GPC5: variants seen among roughly 807,000 people sequenced by gnomAD.
The protein encoded by GPC5 is glypican 5.
A neutral mutation model predicts 53.9 loss-of-function variants in GPC5; 47 were observed. That is an observed-to-expected ratio of 0.87 (90% confidence interval 0.69 to 1.11). The LOEUF is 1.11. Ranked by LOEUF, GPC5 falls within the 50% of genes most tolerant of loss-of-function variation. The pLI is 0.00. For synonymous variants in GPC5, 286 were observed against 263.3 expected, an observed-to-expected ratio of 1.09 and a Z score of -0.84; for missense variants, 748 against 713.1, an observed-to-expected ratio of 1.05 and a Z score of -0.56.
At chr13:92,385,473 T>TATATACAC (rs1594155612) in intron 7 of GPC5, among the ~76,000 whole-genome samples, 2 of 59,716 alleles carry the variant, frequency 3.3e-5, no homozygotes, top group East Asian at 4.8e-4. Context: ...CATATATACA[T>TATATACAC]ATATACATAT....
At chr13:92,847,934 A>G (rs1878665970) in intron 7 of GPC5, among the ~76,000 whole-genome samples, 1 of 152,310 alleles carries the variant, frequency 6.6e-6, no homozygotes, top group African/African-American at 2.4e-5. Context: ...GATTATTTCT[A>G]ACTTACTGAG....
intron 6 of GPC5, among the ~76,000 whole-genome samples, chr13:92,136,230 G>A (rs1272709452): frequency 2.0e-5 from 3 of 152,068 alleles, no homozygotes; most frequent in Non-Finnish European, 4.4e-5. Flanking sequence ...AAAATATTAC[G>A]AGCTTTTGTT....
chr13:91,812,729 A>G (rs1269067796), intron 5 of GPC5, among the ~76,000 whole-genome samples: 13 of 152,156 alleles, frequency 8.5e-5, no homozygotes, highest in African/African-American at 3.1e-4. Flanking sequence ...TATCCTATTC[A>G]CCAGCAGAGA....
intron 2 of GPC5, among the ~76,000 whole-genome samples, chr13:91,616,477 G>T (rs960401310): frequency 6.6e-6 from 1 of 152,058 alleles, no homozygotes; most frequent in Non-Finnish European, 1.5e-5. Flanking sequence ...GCCACTAAAT[G>T]CAGATCATCT....
At chr13:91,837,049 ATATATT>A (rs2038729487) in intron 5 of GPC5, among the ~76,000 whole-genome samples, 1 of 149,538 alleles carries the variant, frequency 6.7e-6, no homozygotes, top group Non-Finnish European at 1.5e-5. Flanking sequence ...ATATTTTAAT[ATATATT>A]TATATTTATT....
At chr13:91,608,082 AT>A (rs2139286370) in intron 2 of GPC5, among the ~76,000 whole-genome samples, 1 of 152,282 alleles carries the variant, frequency 6.6e-6, no homozygotes, top group South Asian at 2.1e-4. Flanking sequence ...TTCTTAAATG[AT>A]TTTTCCCCAA....
At chr13:91,782,614 A>G (rs2037816094) in intron 5 of GPC5, among the ~76,000 whole-genome samples, 1 of 152,170 alleles carries the variant, frequency 6.6e-6, no homozygotes, top group Non-Finnish European at 1.5e-5. Flanking sequence ...ACAATTCGAG[A>G]TGAGATTTGG....
intron 6 of GPC5, among the ~76,000 whole-genome samples, chr13:92,133,032 A>G (rs989380118): frequency 1.3e-5 from 2 of 152,122 alleles, no homozygotes; most frequent in Non-Finnish European, 2.9e-5. Context: ...TAGTCTCAAC[A>G]AGATTGATTT....
chr13:91,938,600 C>T (rs1049474388), intron 6 of GPC5, among the ~76,000 whole-genome samples: 1 of 152,074 alleles, frequency 6.6e-6, no homozygotes, highest in South Asian at 2.1e-4. Context: ...TGCCTACTGG[C>T]CAATGTTTAA....
intron 4 of GPC5, among the ~76,000 whole-genome samples, chr13:91,735,344 C>T (rs1417788173): frequency 6.6e-6 from 1 of 151,034 alleles, no homozygotes; most frequent in African/African-American, 2.5e-5. Context: ...ATCCTTTCCC[C>T]CTTTGTGTTC....
intron 7 of GPC5, among the ~76,000 whole-genome samples, chr13:92,411,915 G>A (rs1876059698): frequency 6.6e-6 from 1 of 152,102 alleles, no homozygotes. Flanking sequence ...TGCGGTTTTA[G>A]TCATTAAACG....
At chr13:92,516,449 G>T (rs1348897586) in intron 7 of GPC5, among the ~76,000 whole-genome samples, 3 of 152,130 alleles carry the variant, frequency 2.0e-5, no homozygotes, top group Non-Finnish European at 2.9e-5. Flanking sequence ...CTTCCTGCTA[G>T]AGTCAAAATG....
intron 5 of GPC5, among the ~76,000 whole-genome samples, chr13:91,794,252 G>A (rs1018611195): frequency 2.4e-4 from 37 of 152,228 alleles, no homozygotes; most frequent in African/African-American, 8.9e-4. Flanking sequence ...TTAGACTAGT[G>A]AGACAGTAGA....
chr13:92,796,603 G>A (rs1006527554), intron 7 of GPC5, among the ~76,000 whole-genome samples: 9 of 151,880 alleles, frequency 5.9e-5, no homozygotes, highest in Non-Finnish European at 1.3e-4. Flanking sequence ...AGATTCTCTA[G>A]TGCTAGAATA....
chr13:92,831,205 C>T (rs1006475748), intron 7 of GPC5, among the ~76,000 whole-genome samples: 1 of 152,064 alleles, frequency 6.6e-6, no homozygotes, highest in Non-Finnish European at 1.5e-5. Context: ...TCCTGTTACC[C>T]TGTATTAGGT....
chr13:92,456,017 C>T (rs74635064), intron 7 of GPC5, among the ~76,000 whole-genome samples: 3,355 of 152,302 alleles, frequency 0.022, 125 homozygotes, highest in African/African-American at 0.077. Flanking sequence ...CAAATGCTAA[C>T]ACATTTTTCT....
intron 5 of GPC5, among the ~76,000 whole-genome samples, chr13:91,903,495 T>C (rs1328887384): frequency 1.3e-5 from 2 of 152,138 alleles, no homozygotes; most frequent in African/African-American, 4.8e-5. Flanking sequence ...TTCCAGTTGC[T>C]CCACATCTTT....
chr13:91,405,820 G>C (rs149019827), intron 1 of GPC5, among the ~76,000 whole-genome samples: 1 of 152,280 alleles, frequency 6.6e-6, no homozygotes, highest in East Asian at 1.9e-4. Context: ...ACCCAGGCTG[G>C]AGTGCAGTGG....
Position 92,547,996 on chromosome 13 carries a change from A to ATT in GPC5, c.1562-318271_1562-318270dup, listed in dbSNP as rs35318055. Among the ~76,000 whole-genome samples the ATT allele has an allele frequency of 4.6e-3, 622 of 136,208 alleles. 2 individuals are homozygous for ATT. The highest frequency in any genetic ancestry group is 0.013 in the African/African-American group (469 of 36,992). 89.4% of individuals were successfully genotyped at this position (136,208 alleles called of 152,430 possible). A position where few individuals can be genotyped will look rare whatever the true frequency, so the allele number is the denominator to read the frequency against. On this transcript the variant is annotated intron_variant, in intron 7 of 7. Transcript: ENST00000377067. ...AGGTGCCCGCCACCACGCCTGGCTA[A>ATT]TTTTTTTTTTTTTTTTGTATTTTTA...
Sources: allele counts gnomAD v4.1 joint callset (sites outside exome capture counted in the v4.1 genomes callset), GRCh38; gene constraint gnomAD v4.1.1; transcripts MANE v1.5; gene names NCBI Gene and HGNC (gene_info 2026-07-23, HGNC 2026-07-21).